The following CACNG2 variants were observed in gnomAD, a reference collection of about 807,000 sequenced individuals.
CACNG2 encodes the protein calcium voltage-gated channel auxiliary subunit gamma 2, also known as voltage-dependent calcium channel gamma-2 subunit.
In CACNG2, 3 loss-of-function variants were observed where a neutral mutation model predicts 25.9. The ratio of observed to expected loss-of-function variants is 0.12; its 90% CI spans 0.05 to 0.30. CACNG2 has a LOEUF of 0.30. Ranked by LOEUF, CACNG2 falls within the 10% of genes least tolerant of loss-of-function variation. The probability of loss-of-function intolerance (pLI) is 1.00; values close to 1 mark genes in which losing one functional copy is unlikely to be tolerated. For synonymous variants in CACNG2, 167 were observed against 173.3 expected, an observed-to-expected ratio of 0.96 and a Z score of 0.29; for missense variants, 341 against 432.5, an observed-to-expected ratio of 0.79 and a Z score of 1.88.
At chr22:36,623,902 A>G (rs1179106957) in intron 1 of CACNG2, among the ~76,000 whole-genome samples, 1 of 152,180 alleles carries the variant, frequency 6.6e-6, no homozygotes, top group Non-Finnish European at 1.5e-5. Context: ...ATTAACCCCA[A>G]TAATGCTCTG....
chr22:36,693,994 C>A (rs577136303), intron 1 of CACNG2, among the ~76,000 whole-genome samples: 1 of 152,184 alleles, frequency 6.6e-6, no homozygotes, highest in African/African-American at 2.4e-5. Context: ...GGCAAATACT[C>A]GGGAACAGTT....
chr22:36,699,237 T>TCACACACACACACACACACA (rs3076293), intron 1 of CACNG2, among the ~76,000 whole-genome samples: 1 of 141,800 alleles, frequency 7.1e-6, no homozygotes, highest in African/African-American at 2.7e-5. Context: ...GATTTCAAGT[T>TCACACACACACACACACACA]CACACACACA....
chr22:36,568,766 A>T (rs924804352), intron 2 of CACNG2, among the ~76,000 whole-genome samples: 1 of 152,032 alleles, frequency 6.6e-6, no homozygotes, highest in African/African-American at 2.4e-5. Context: ...GATCTGCAGC[A>T]TAGTCTACAC....
chr22:36,574,974 G>A (rs1218888216), intron 2 of CACNG2, among the ~76,000 whole-genome samples: 1 of 152,206 alleles, frequency 6.6e-6, no homozygotes, highest in African/African-American at 2.4e-5. Flanking sequence ...CTATCTCACA[G>A]ACACACAGAG....
At chr22:36,662,003 G>A (rs1381604360) in intron 1 of CACNG2, among the ~76,000 whole-genome samples, 5 of 105,906 alleles carry the variant, frequency 4.7e-5, no homozygotes, top group Admixed American at 1.2e-4. Flanking sequence ...TTTTTCAGAC[G>A]GAGTCTCCCT....
Position 36,633,711 on chromosome 22 carries a change from A to G in CACNG2, c.212-46163T>C, listed in dbSNP as rs1332413119. Among the ~76,000 whole-genome samples, 5 of 152,248 alleles carry G rather than the reference A, an allele frequency of 3.3e-5. No homozygotes were observed. In the East Asian group the frequency reaches 9.6e-4, roughly 29 times the overall value. On this transcript the variant is annotated intron_variant, in intron 1 of 3. Coordinates refer to ENST00000300105, the MANE Select transcript of CACNG2 (RefSeq NM_006078.5). ...ATTTACTCACGATAAAAGGCATAGC[A>G]TCTGAATATGTCAAGTTTATAAGAC...
chr22:36,564,934 A>C lies in CACNG2; in HGVS notation c.437-48T>G. 1 of 1,568,152 alleles carries C rather than the reference A, an allele frequency of 6.4e-7. No individual in the cohort carries two copies. The highest frequency in any genetic ancestry group is 8.7e-7 in the Non-Finnish European group (1 of 1,149,890). The stretch of plus-strand genomic sequence containing the variant: ...GTGGGGGATCAGAGAGAAGGACGTT[A>C]GTTTCTCAGGAAGTCGGCCACAGGG... On this transcript the variant is annotated intron_variant, in intron 3 of 3. Transcript: ENST00000300105. The surrounding 1 kb of genome is among the most constrained non-coding windows in gnomAD (Gnocchi z 6.7).
chr22:36,697,279 G>T (rs1197124015), intron 1 of CACNG2, among the ~76,000 whole-genome samples: 1 of 152,206 alleles, frequency 6.6e-6, no homozygotes, highest in Non-Finnish European at 1.5e-5. Context: ...ATGCAGGGGA[G>T]TCACTGGGTT....
intron 1 of CACNG2, among the ~76,000 whole-genome samples, chr22:36,684,917 C>T (rs572447295): frequency 2.0e-5 from 3 of 152,244 alleles, no homozygotes; most frequent in South Asian, 2.1e-4. Flanking sequence ...TGCTGGATCG[C>T]GCTGCCCAAT....
chr22:36,685,400 C>G (rs1301545966), intron 1 of CACNG2, among the ~76,000 whole-genome samples: 1 of 152,178 alleles, frequency 6.6e-6, no homozygotes, highest in South Asian at 2.1e-4. Flanking sequence ...CTTCTGCCCC[C>G]CGTCATCCTT....
At chr22:36,600,853 T>C (rs1360267162) in intron 1 of CACNG2, among the ~76,000 whole-genome samples, 6 of 152,022 alleles carry the variant, frequency 3.9e-5, no homozygotes, top group Non-Finnish European at 1.5e-5. Context: ...GGCCTAAAAT[T>C]TTTTTTAAGT....
chr22:36,610,562 T>G (rs916210278), intron 1 of CACNG2, among the ~76,000 whole-genome samples: 2 of 152,166 alleles, frequency 1.3e-5, no homozygotes, highest in African/African-American at 4.8e-5. Flanking sequence ...CAGATCAGGA[T>G]GAGAAGGCCA....
intron 1 of CACNG2, among the ~76,000 whole-genome samples, chr22:36,648,289 TA>T (rs1936558031): frequency 6.6e-6 from 1 of 152,206 alleles, no homozygotes; most frequent in Non-Finnish European, 1.5e-5. Context: ...ATAAAAAATT[TA>T]AAAAGAGCAT....
chr22:36,619,493 G>A (rs1325059768), intron 1 of CACNG2, among the ~76,000 whole-genome samples: 4 of 152,294 alleles, frequency 2.6e-5, no homozygotes, highest in East Asian at 3.9e-4. Flanking sequence ...AGTTCACTAC[G>A]CTTTGTCCAA....
chr22:36,621,186 A>G (rs1936097892), intron 1 of CACNG2, among the ~76,000 whole-genome samples: 1 of 152,220 alleles, frequency 6.6e-6, no homozygotes, highest in South Asian at 2.1e-4. Context: ...TTCCATCCCT[A>G]ATGTCCATAG....
chr22:36,595,562 G>A (rs1011066334), intron 1 of CACNG2, among the ~76,000 whole-genome samples: 6 of 152,190 alleles, frequency 3.9e-5, no homozygotes, highest in Admixed American at 6.5e-5. Context: ...TGGTGGGATT[G>A]GAGATTTGCA....
intron 2 of CACNG2, among the ~76,000 whole-genome samples, chr22:36,582,197 G>A (rs561911397): frequency 6.6e-6 from 1 of 152,280 alleles, no homozygotes; most frequent in Non-Finnish European, 1.5e-5. Flanking sequence ...GCCAGAGCCT[G>A]TTCAAAAGTG....
At chr22:36,588,647 T>C (rs1194836909) in intron 1 of CACNG2, among the ~76,000 whole-genome samples, 1 of 152,242 alleles carries the variant, frequency 6.6e-6, no homozygotes, top group African/African-American at 2.4e-5. Flanking sequence ...TGGGTCCAGC[T>C]GTGCATCACT....
chr22:36,653,412 C>T (rs2145977020), intron 1 of CACNG2, among the ~76,000 whole-genome samples: 1 of 152,302 alleles, frequency 6.6e-6, no homozygotes, highest in African/African-American at 2.4e-5. Flanking sequence ...ATTTGGCTTC[C>T]TTTGAAAAAC....
Sources: gnomAD v4.1 joint callset for allele counts (sites outside exome capture counted in the v4.1 genomes callset) on GRCh38, gnomAD v4.1.1 for gene constraint, Gnocchi (gnomAD v3.1) non-coding constraint, MANE v1.5 for transcripts, NCBI Gene and HGNC (gene_info 2026-07-23, HGNC 2026-07-21) for gene names.